The following SP100 variants were observed in gnomAD, a reference collection of about 807,000 sequenced individuals.
SP100 encodes the protein nuclear autoantigen Sp-100.
Under a neutral mutation model 130.0 loss-of-function variants are expected in SP100, and 84 were observed. That is an observed-to-expected ratio of 0.65 (90% CI 0.54 to 0.77). The LOEUF (loss-of-function observed/expected upper bound fraction) is 0.77, where lower values mean the gene tolerates loss of function less well. Ranked by LOEUF, SP100 falls within the 30% of genes least tolerant of loss-of-function variation. The pLI is 0.00. For missense variants in SP100, 978 were observed against 1,052.2 expected (o/e 0.93, Z 0.97); for synonymous variants, 331 against 351.7 (o/e 0.94, Z 0.66).
chr2:230,503,340 T>G (rs921814355), intron 20 of SP100, among the ~76,000 whole-genome samples: 2 of 152,134 alleles, frequency 1.3e-5, no homozygotes, highest in Non-Finnish European at 2.9e-5. Context: ...TGCACGTTCT[T>G]TTTTGTTGAT....
At chr2:230,472,419 C>A (rs2065312462) in intron 15 of SP100, among the ~76,000 whole-genome samples, 3 of 111,362 alleles carry the variant, frequency 2.7e-5, no homozygotes, top group Non-Finnish European at 3.4e-5. Context: ...TCGAGCAAGA[C>A]TCCGTCTCAA....
chr2:230,525,953 A>G (rs1230504736), intron 24 of SP100, among the ~76,000 whole-genome samples: 3 of 152,194 alleles, frequency 2.0e-5, no homozygotes, highest in Non-Finnish European at 4.4e-5. Context: ...TACTGCCTCT[A>G]TAGATTCCAC....
intron 2 of SP100, among the ~76,000 whole-genome samples, chr2:230,441,474 G>T (rs2063465566): frequency 6.6e-6 from 1 of 152,124 alleles, no homozygotes. Flanking sequence ...TAGTCTCAAA[G>T]TGGAATCAAC....
At chr2:230,441,862 A>T (rs919876329) in intron 2 of SP100, among the ~76,000 whole-genome samples, 1 of 152,144 alleles carries the variant, frequency 6.6e-6, no homozygotes, top group Non-Finnish European at 1.5e-5. Context: ...GGGCACCATG[A>T]TTCCTAACCT....
At chr2:230,509,189 T>G (rs1690391895) in intron 23 of SP100, 1 of 152,198 alleles carries the variant, frequency 6.6e-6, no homozygotes, top group Non-Finnish European at 1.5e-5. Context: ...ACTATATGTA[T>G]TCTATGGAAA....
intron 24 of SP100, among the ~76,000 whole-genome samples, chr2:230,524,590 A>T (rs1691339404): frequency 6.7e-6 from 1 of 148,696 alleles, no homozygotes; most frequent in African/African-American, 2.6e-5. Context: ...AATGATGCAT[A>T]AAGAATCTTA....
At chr2:230,450,763 A>G (rs928419767) in intron 8 of SP100, among the ~76,000 whole-genome samples, 2 of 152,190 alleles carry the variant, frequency 1.3e-5, no homozygotes, top group Non-Finnish European at 2.9e-5. Context: ...ATAACATAAT[A>G]TCCTCCAGGT....
intron 24 of SP100, among the ~76,000 whole-genome samples, chr2:230,530,847 T>C (rs1186059705): frequency 6.6e-6 from 1 of 151,966 alleles, no homozygotes; most frequent in Non-Finnish European, 1.5e-5. Context: ...ATCAGAAAAA[T>C]GCAAATGAAA....
At chr2:230,533,359 C>A (rs981779227) in intron 24 of SP100, among the ~76,000 whole-genome samples, 1 of 152,102 alleles carries the variant, frequency 6.6e-6, no homozygotes, top group African/African-American at 2.4e-5. Context: ...CGAGGAGTAA[C>A]CTAAATACTT....
At chr2:230,466,399 C>T in intron 12 of SP100, 45 bp downstream of exon 12, 1 of 993,358 alleles carries the variant, frequency 1.0e-6, no homozygotes, top group Admixed American at 1.8e-5. Flanking sequence ...AATAACTTCT[C>T]TTCATGGTTA....
At chr2:230,437,493 AT>A (rs1463707754) in intron 2 of SP100, among the ~76,000 whole-genome samples, 1 of 152,140 alleles carries the variant, frequency 6.6e-6, no homozygotes, top group Admixed American at 6.6e-5. Context: ...ATTATGCTGA[AT>A]ATTGATATAT....
At chr2:230,501,643 A>G (rs1575758354) in intron 19 of SP100, among the ~76,000 whole-genome samples, 1 of 134,206 alleles carries the variant, frequency 7.5e-6, no homozygotes, top group African/African-American at 2.5e-5. Flanking sequence ...AGCATTCACA[A>G]TTGAGCATCT....
intron 2 of SP100, among the ~76,000 whole-genome samples, chr2:230,434,377 C>T (rs1467571463): frequency 6.6e-6 from 1 of 152,060 alleles, no homozygotes; most frequent in Non-Finnish European, 1.5e-5. Context: ...AAAAACAATG[C>T]TTCAACAAAA....
At chr2:230,496,433 A>T (rs1391874625) in intron 18 of SP100, among the ~76,000 whole-genome samples, 2 of 152,152 alleles carry the variant, frequency 1.3e-5, no homozygotes, top group Non-Finnish European at 2.9e-5. Flanking sequence ...CTCCAACTCC[A>T]CTCAGTGTCT....
chr2:230,493,726 C>A (rs549594985), intron 17 of SP100: 1 of 151,906 alleles, frequency 6.6e-6, no homozygotes, highest in South Asian at 2.1e-4. Flanking sequence ...TCAAAGTATG[C>A]CTCTGAATTC....
intron 28 of SP100, 113 bp downstream of exon 28, chr2:230,542,148 A>G (rs2150118671): frequency 9.1e-7 from 1 of 1,104,540 alleles, no homozygotes; most frequent in East Asian, 2.4e-5. Context: ...TCATATGACA[A>G]GCCCATACAA....
At chr2:230,488,704 C>T (rs977648165) in intron 17 of SP100, among the ~76,000 whole-genome samples, 1 of 152,108 alleles carries the variant, frequency 6.6e-6, no homozygotes, top group Non-Finnish European at 1.5e-5. Context: ...TGAGCCACAG[C>T]GCCCGGCCAA....
chr2:230,453,245 A>G (rs2064106709), intron 8 of SP100, among the ~76,000 whole-genome samples: 1 of 152,186 alleles, frequency 6.6e-6, no homozygotes, highest in Non-Finnish European at 1.5e-5. Context: ...CACTGTTGTG[A>G]GAACAGCATT....
intron 2 of SP100, among the ~76,000 whole-genome samples, chr2:230,439,330 G>A (rs1286981284): frequency 6.6e-6 from 1 of 152,056 alleles, no homozygotes; most frequent in African/African-American, 2.4e-5. Flanking sequence ...CTAGTTCTGT[G>A]AATAATGATG....
Sources: gnomAD v4.1 joint callset for allele counts (sites outside exome capture counted in the v4.1 genomes callset) on GRCh38, gnomAD v4.1.1 for gene constraint, MANE v1.5 for transcripts, NCBI Gene and HGNC (gene_info 2026-07-23, HGNC 2026-07-21) for gene names.